Variants in HMCN1 observed in about 807,000 individuals in gnomAD.
HMCN1 encodes hemicentin-1.
HMCN1 carries 321 observed loss-of-function variants against 625.9 expected under a neutral mutation model. That is an observed-to-expected ratio of 0.51 (90% CI 0.47 to 0.56). HMCN1 has a LOEUF of 0.56. Ranked by LOEUF, HMCN1 falls within the 20% of genes least tolerant of loss-of-function variation. The pLI is 0.00. For synonymous variants in HMCN1, 2,425 were observed against 2,417.6 expected, an observed-to-expected ratio of 1.00 and a Z score of -0.09; for missense variants, 6,588 against 6,887.3, an observed-to-expected ratio of 0.96 and a Z score of 1.54.
In HMCN1 at chr1:186,062,047, G is replaced by T. The variant is rs1392793691; in HGVS notation, c.7426+83G>T. ...CAGAGTTAAAATTTATTTACCACTT[G>T]ATCTCATACCTGTGTTATTTAGACC... On this transcript the variant is annotated intron_variant, in intron 47 of 106. Coordinates refer to ENST00000271588, the MANE Select transcript of HMCN1 (RefSeq NM_031935.3). 17 of 818,094 alleles carry T rather than the reference G, an allele frequency of 2.1e-5. No homozygotes were observed. The East Asian group carries it at 2.8e-4, about 13-fold the overall frequency. 50.7% of individuals were successfully genotyped at this position (818,094 alleles called of 1,614,324 possible).
At chr1:186,115,101 G>C (rs1390842793) in intron 74 of HMCN1, among the ~76,000 whole-genome samples, 155 bp downstream of exon 74, 1 of 152,160 alleles carries the variant, frequency 6.6e-6, no homozygotes, top group Admixed American at 6.6e-5. Context: ...CCTTAGTATA[G>C]TTAATATCAT....
intron 1 of HMCN1, among the ~76,000 whole-genome samples, chr1:185,761,021 C>T (rs1414811586): frequency 6.6e-6 from 1 of 152,030 alleles, no homozygotes; most frequent in African/African-American, 2.4e-5. Context: ...TTAATTTCTC[C>T]ACTTCCAGTA....
At chr1:185,932,639 T>G (rs1211646536) in intron 10 of HMCN1, among the ~76,000 whole-genome samples, 2 of 151,960 alleles carry the variant, frequency 1.3e-5, no homozygotes, top group African/African-American at 2.4e-5. Context: ...AAACACCTCA[T>G]GTTTTCACTC....
chr1:186,112,891 A>T lies in HMCN1; in HGVS notation c.11069A>T (p.Tyr3690Phe). Residue 3690 changes from tyrosine (Y) to phenylalanine (F), a missense_variant, in exon 72 of 107, where the codon TAT becomes TTT. Transcript: ENST00000271588. ...GCTGACCTAGGTGATACAGCCAATT[A>T]TACCTGTGTTGCCAGCAACATTGCA... ...NNADLGDTAN[Y>F]TCVASNIAGK... 1 of 1,614,174 alleles carries T rather than the reference A, an allele frequency of 6.2e-7. No homozygotes were observed. Among genetic ancestry groups the T allele is most frequent in the Non-Finnish European group, 8.5e-7 (1 of 1,179,974 alleles).
chr1:185,742,266 G>A (rs1654042669), intron 1 of HMCN1, among the ~76,000 whole-genome samples: 2 of 152,152 alleles, frequency 1.3e-5, no homozygotes, highest in Admixed American at 6.5e-5. Flanking sequence ...CAACTATAAA[G>A]AGGTTCAAAG....
At chr1:186,160,755 T>C (rs1402871589) in intron 97 of HMCN1, among the ~76,000 whole-genome samples, 4 of 152,096 alleles carry the variant, frequency 2.6e-5, no homozygotes, top group Non-Finnish European at 5.9e-5. Context: ...TAATCCTGAG[T>C]TCTAGTTTGA....
chr1:185,923,300 C>T (rs1667089637), intron 7 of HMCN1, 90 bp from the exon 8 acceptor site: 1 of 1,001,660 alleles, frequency 1.0e-6, no homozygotes, highest in Non-Finnish European at 1.5e-6. Flanking sequence ...CCTTATGGTA[C>T]TCATATATTA....
chr1:185,948,043 C>A (rs957073629), intron 11 of HMCN1, among the ~76,000 whole-genome samples: 2 of 152,158 alleles, frequency 1.3e-5, no homozygotes, highest in Admixed American at 6.5e-5. Context: ...GATATAGCTA[C>A]TAATTACAAT....
intron 30 of HMCN1, among the ~76,000 whole-genome samples, chr1:186,011,103 T>G (rs898923201): frequency 7.9e-5 from 12 of 152,290 alleles, no homozygotes; most frequent in African/African-American, 2.9e-4. Context: ...TGGAGTGCAG[T>G]GGAGTGATCT....
chr1:186,110,508 G>A (rs1660825812), intron 71 of HMCN1, among the ~76,000 whole-genome samples: 4 of 152,158 alleles, frequency 2.6e-5, no homozygotes, highest in Admixed American at 2.6e-4. Context: ...ATACATATAG[G>A]TAATTAAAGA....
At chr1:186,144,147 G>A (rs751489104) in intron 89 of HMCN1, 26 bp from the exon 90 acceptor site, 4 of 1,561,140 alleles carry the variant, frequency 2.6e-6, no homozygotes, top group East Asian at 4.5e-5. Context: ...TCTGTGACTT[G>A]CAACTGTCTT....
chr1:186,093,256 A>G lies in HMCN1; in HGVS notation c.10010A>G (p.Tyr3337Cys), dbSNP rs1455722145. ...GACCGAATTTTTAACTTGAATGTCT[A>G]TGGTAAATATGAAATATCCCCCTCT... ...EEDRIFNLNV[Y>C]VTPTIRGNKD... Residue 3337 changes from tyrosine (Y) to cysteine (C), a missense_variant and splice_region_variant, in exon 65 of 107, where the codon TAT (tyrosine) becomes TGT (cysteine). Physicochemically the swap from Tyr to Cys is radical, Grantham distance 194. Transcript: ENST00000271588. 5.6e-6 allele frequency: 9 copies of G among 1,613,300 alleles called. No homozygotes were observed. Among genetic ancestry groups the G allele is most frequent in the South Asian group, 1.1e-5 (1 of 91,076 alleles).
intron 4 of HMCN1, among the ~76,000 whole-genome samples, chr1:185,867,449 T>G (rs889732886): frequency 2.0e-5 from 3 of 152,196 alleles, no homozygotes; most frequent in Non-Finnish European, 4.4e-5. Context: ...GAAATTGTCT[T>G]CAACCTGGAA....
intron 1 of HMCN1, among the ~76,000 whole-genome samples, chr1:185,755,544 T>C (rs1655079743): frequency 6.6e-6 from 1 of 152,200 alleles, no homozygotes; most frequent in Admixed American, 6.5e-5. Flanking sequence ...AACTCCTCCT[T>C]AGCCACTGGG....
intron 1 of HMCN1, among the ~76,000 whole-genome samples, chr1:185,797,834 C>T (rs1658502895): frequency 1.4e-5 from 2 of 139,638 alleles, no homozygotes. Context: ...GGCGTAGTGG[C>T]GGGCGCCTGT....
Position 186,016,191 on chromosome 1 carries a change from AC to A in HMCN1, c.5145del (p.Ser1716ValfsTer20). On this transcript the variant is annotated frameshift_variant, in exon 32 of 107. Transcript: ENST00000271588. LOFTEE classifies it high-confidence loss of function. Reference sequence around the variant, plus strand: ...TCGAGGACAGTACATATGCGTGGCTACCAGTGTGGCAGGAGAAAAGGAAATC... The same window carrying A: ...TCGAGGACAGTACATATGCGTGGCTACAGTGTGGCAGGAGAAAAGGAAATC... ...IDRGQYICVA[T>X]SVAGEKEIKY... 1 of 1,613,338 alleles carries A rather than the reference AC, an allele frequency of 6.2e-7. No homozygotes were observed. Among genetic ancestry groups the A allele is most frequent in the Non-Finnish European group, 8.5e-7 (1 of 1,179,440 alleles).
intron 86 of HMCN1, among the ~76,000 whole-genome samples, chr1:186,135,635 A>G (rs1238926724): frequency 6.6e-6 from 1 of 152,156 alleles, no homozygotes; most frequent in African/African-American, 2.4e-5. Context: ...GTTGTGTGCT[A>G]TTGCATTGCC....
At chr1:185,899,554 AT>A (rs1204514274) in intron 4 of HMCN1, among the ~76,000 whole-genome samples, 1 of 152,094 alleles carries the variant, frequency 6.6e-6, no homozygotes, top group African/African-American at 2.4e-5. Flanking sequence ...CTTCCCAGTT[AT>A]GTAAGCTTGA....
At chr1:186,189,180 A>C (rs1653554501) in intron 106 of HMCN1, among the ~76,000 whole-genome samples, 1 of 152,208 alleles carries the variant, frequency 6.6e-6, no homozygotes, top group Non-Finnish European at 1.5e-5. Flanking sequence ...ACTTGTTTCC[A>C]ATATATATGC....
Sources: allele counts gnomAD v4.1 joint callset (sites outside exome capture counted in the v4.1 genomes callset), GRCh38; gene constraint gnomAD v4.1.1; transcripts MANE v1.5; gene names NCBI Gene and HGNC (gene_info 2026-07-23, HGNC 2026-07-21).